Variants in BACH1 observed in about 807,000 individuals in gnomAD.
The protein encoded by BACH1 is transcription regulator protein BACH1.
Under a neutral mutation model 52.9 loss-of-function variants are expected in BACH1, and 35 were observed. That is an observed-to-expected ratio of 0.66 (90% CI 0.51 to 0.88). The LOEUF is 0.88. Ranked by LOEUF, BACH1 falls within the 40% of genes least tolerant of loss-of-function variation. BACH1 has a pLI of 0.00. For missense variants in BACH1, 808 were observed against 872.6 expected (o/e 0.93, Z 0.93); for synonymous variants, 321 against 319.6 (o/e 1.00, Z -0.05).
At chr21:29,304,431 T>A (rs933062761) in intron 1 of BACH1, among the ~76,000 whole-genome samples, 1 of 152,152 alleles carries the variant, frequency 6.6e-6, no homozygotes, top group Non-Finnish European at 1.5e-5. Flanking sequence ...GGCCCCTAAT[T>A]ATTCCCAGTT....
chr21:29,341,980 C>T (rs1190615622), intron 4 of BACH1, among the ~76,000 whole-genome samples: 1 of 152,182 alleles, frequency 6.6e-6, no homozygotes, highest in African/African-American at 2.4e-5. Context: ...ATCCAGAAAG[C>T]TCCAAAAACC....
Position 29,326,949 on chromosome 21 carries a change from C to A in BACH1, c.1125C>A (p.Thr375=). ...TACCTTTGAAATCCGACTTGGGCAC[C>A]AGGGAAGATAGTAGTGTTGCATCTA... ...QDLPLKSDLG[T]REDSSVASSD... The change falls in exon 3 of 5, where the codon ACC becomes ACA. Residue 375 remains threonine, a synonymous_variant. Coordinates refer to ENST00000286800, the MANE Select transcript of BACH1 (RefSeq NM_001186.4). 2 of 1,614,130 alleles carry A rather than the reference C, an allele frequency of 1.2e-6. No homozygotes were observed. Among genetic ancestry groups the A allele is most frequent in the Non-Finnish European group, 1.7e-6 (2 of 1,180,032 alleles).
intron 2 of BACH1, 86 bp from the exon 3 acceptor site, chr21:29,325,971 ATC>A: frequency 8.0e-7 from 1 of 1,252,838 alleles, no homozygotes; most frequent in Non-Finnish European, 1.1e-6. Flanking sequence ...TAAGTTACAT[ATC>A]TCTCTATTCC....
chr21:29,329,344 T>A, intron 3 of BACH1, 143 bp from the exon 4 acceptor site: 4 of 530,168 alleles, frequency 7.5e-6, no homozygotes, highest in Non-Finnish European at 9.0e-6. Context: ...TTTGAGATTG[T>A]ATAGAAATTG....
At position 29,326,629 on chromosome 21, in the gene BACH1, G is replaced by A; in HGVS notation, c.805G>A (p.Glu269Lys). ...SENECLGGVP[E>K]CRDLQVMLKC... ...AAATGAATGCCTGGGAGGAGTCCCG[G>A]AGTGTAGAGATTTGCAGGTGATGTT... Residue 269 changes from glutamate (E) to lysine (K), a missense_variant, in exon 3 of 5, where the codon GAG becomes AAG. Transcript: ENST00000286800. The A allele has an allele frequency of 6.2e-7, 1 of 1,614,200 alleles. No homozygotes were observed. Among genetic ancestry groups the A allele is most frequent in the Non-Finnish European group, 8.5e-7 (1 of 1,180,038 alleles).
chr21:29,328,943 G>A (rs181067957), intron 3 of BACH1, among the ~76,000 whole-genome samples: 57 of 152,136 alleles, frequency 3.7e-4, no homozygotes, highest in African/African-American at 1.3e-3. Context: ...TTCTTTATCC[G>A]TTCATCCATC....
intron 4 of BACH1, among the ~76,000 whole-genome samples, chr21:29,333,086 A>G (rs925846207): frequency 1.3e-5 from 2 of 152,244 alleles, no homozygotes; most frequent in Non-Finnish European, 2.9e-5. Flanking sequence ...TGAGGGGTAC[A>G]TTACAAATTT....
At chr21:29,310,317 T>G (rs547971696) in intron 1 of BACH1, among the ~76,000 whole-genome samples, 1 of 152,354 alleles carries the variant, frequency 6.6e-6, no homozygotes, top group Non-Finnish European at 1.5e-5. Context: ...TAAAGTAGTA[T>G]GTATTTATGG....
Position 29,327,018 on chromosome 21 carries a change from A to T in BACH1, c.1194A>T (p.Ala398=). The change falls in exon 3 of 5, where the codon GCA becomes GCT. Residue 398 remains alanine (A), a synonymous_variant. Coordinates refer to ENST00000286800, the MANE Select transcript of BACH1 (RefSeq NM_001186.4). The part of the protein sequence containing the change: ...SVEREVAEHL[A]KGFWSDICST... ...AGCGAGAAGTGGCAGAACACCTAGC[A>T]AAAGGCTTCTGGAGTGACATTTGCA... 1 of 1,614,204 alleles carries T rather than the reference A, an allele frequency of 6.2e-7. No homozygotes were observed. The highest frequency in any genetic ancestry group is 1.3e-5 in the African/African-American group (1 of 75,040).
intron 1 of BACH1, among the ~76,000 whole-genome samples, chr21:29,319,404 T>C (rs1045775681): frequency 2.0e-5 from 3 of 150,896 alleles, no homozygotes; most frequent in African/African-American, 7.3e-5. Flanking sequence ...CTGATGGAGG[T>C]GGTAGGAGGA....
At chr21:29,322,582 G>A (rs2088861340) in intron 2 of BACH1, among the ~76,000 whole-genome samples, 1 of 152,188 alleles carries the variant, frequency 6.6e-6, no homozygotes, top group African/African-American at 2.4e-5. Flanking sequence ...TATCAAGGCT[G>A]TGGCATTGGG....
intron 1 of BACH1, among the ~76,000 whole-genome samples, chr21:29,321,016 A>C (rs192163096): frequency 4.7e-4 from 72 of 152,342 alleles, no homozygotes; most frequent in African/African-American, 1.7e-3. Context: ...TCACACCAAG[A>C]ATCTTTTCCG....
chr21:29,339,985 A>G (rs1251803400), intron 4 of BACH1, among the ~76,000 whole-genome samples: 2 of 152,204 alleles, frequency 1.3e-5, no homozygotes, highest in Non-Finnish European at 2.9e-5. Flanking sequence ...CAGAATGCCA[A>G]TTTTATTCCT....
At chr21:29,301,962 T>G (rs1449061960) in intron 1 of BACH1, among the ~76,000 whole-genome samples, 1 of 152,124 alleles carries the variant, frequency 6.6e-6, no homozygotes, top group Non-Finnish European at 1.5e-5. Flanking sequence ...GCCATGTGCC[T>G]TCTACACCCC....
chr21:29,331,887 A>G (rs1441122930), intron 4 of BACH1, among the ~76,000 whole-genome samples: 2 of 152,094 alleles, frequency 1.3e-5, no homozygotes, highest in Admixed American at 6.6e-5. Context: ...CTTTTTAAAA[A>G]ATTTTATTTG....
rs545348803 is a variant in BACH1 at position 29,312,521 on chromosome 21, A to G, written c.-60-8700A>G. ...CATGATTGTGTGCATAGAAAATCCTATGGAATCCACAAACAGCTATCCGAA... is the reference window on the plus strand; with the variant it reads ...CATGATTGTGTGCATAGAAAATCCTGTGGAATCCACAAACAGCTATCCGAA... On this transcript the variant is annotated intron_variant, in intron 1 of 4. Transcript: ENST00000286800. 5.3e-5 allele frequency among the ~76,000 whole-genome samples: 8 copies of G among 152,314 alleles called. No individual in the cohort carries two copies. The South Asian group carries it at 1.0e-3, about 20-fold the overall frequency.
intron 2 of BACH1, 131 bp downstream of exon 2, chr21:29,321,645 C>CTTTTT: frequency 5.9e-6 from 3 of 505,020 alleles, no homozygotes; most frequent in South Asian, 4.5e-5. Flanking sequence ...TGTGCAACCC[C>CTTTTT]TTTTTTTTTT....
chr21:29,326,334 G>A lies in BACH1; in HGVS notation c.510G>A (p.Val170=), dbSNP rs1393412592. The A allele has an allele frequency of 4.3e-6, 7 of 1,614,064 alleles. No homozygotes were observed. The highest frequency in any genetic ancestry group is 5.9e-6 in the Non-Finnish European group (7 of 1,180,042). The part of the protein sequence containing the change: ...LDQRDLETDE[V]EEFLENKNVQ... ...AGAGGGATCTAGAAACTGATGAAGT[G>A]GAGGAATTTCTGGAAAATAAAAATG... Residue 170 remains valine, a synonymous_variant, in exon 3 of 5, where the codon GTG becomes GTA. Transcript: ENST00000286800.
In BACH1 at chr21:29,355,150, A is replaced by G. The variant is rs916293554; in HGVS notation, c.472+25457A>G. On this transcript the variant is annotated intron_variant, in intron 2 of 4. Coordinates refer to the BACH1 transcript ENST00000422809. ...TCCTGCTGATTGGTCCATTTTACAG[A>G]GCACTGATTGGTCCATTTTGCAGAG... Among the ~76,000 whole-genome samples, 27 of 152,256 alleles carry G rather than the reference A, an allele frequency of 1.8e-4. No homozygotes were observed. In the Middle Eastern group the frequency reaches 0.014, roughly 77 times the overall value.
Sources: gnomAD v4.1 joint callset for allele counts (sites outside exome capture counted in the v4.1 genomes callset) on GRCh38, gnomAD v4.1.1 for gene constraint, MANE v1.5 for transcripts, NCBI Gene and HGNC (gene_info 2026-07-23, HGNC 2026-07-21) for gene names.